The following ASMT variants were observed in gnomAD, a reference collection of about 807,000 sequenced individuals.
The protein encoded by ASMT is acetylserotonin O-methyltransferase, also known as acetylserotonin N-methyltransferase.
A neutral mutation model predicts 41.3 loss-of-function variants in ASMT; 53 were observed. That is an observed-to-expected ratio of 1.28 (90% confidence interval 1.03 to 1.61). The LOEUF (loss-of-function observed/expected upper bound fraction) is 1.61, where lower values mean the gene tolerates loss of function less well. Among genes scored for constraint, ASMT ranks in the 40% most tolerant of loss-of-function variants. ASMT has a pLI of 0.00. For missense variants in ASMT, 531 were observed against 441.3 expected, an observed-to-expected ratio of 1.20 and a Z score of -1.82; for synonymous variants, 231 against 184.8, an observed-to-expected ratio of 1.25 and a Z score of -2.03.
At chrX:1,616,092 G>C (rs1258488039) in intron 1 of ASMT, among the ~76,000 whole-genome samples, 1 of 151,260 alleles carries the variant, frequency 6.6e-6, no homozygotes, top group Non-Finnish European at 1.5e-5. Context: ...GCAGTGGCAC[G>C]GTCTTGGCTC....
At chrX:1,629,738 C>T in intron 4 of ASMT, 83 bp from the exon 5 acceptor site, 1 of 1,289,946 alleles carries the variant, frequency 7.8e-7, no homozygotes. Context: ...TAGCTCCGTT[C>T]TCAACAGGGG....
chrX:1,619,822 T>C (rs1934274429), intron 1 of ASMT, among the ~76,000 whole-genome samples: 1 of 151,900 alleles, frequency 6.6e-6, no homozygotes, highest in Non-Finnish European at 1.5e-5. Flanking sequence ...CCGGGCGTGG[T>C]GGCTCATGCC....
intron 3 of ASMT, 167 bp from the exon 4 acceptor site, chrX:1,627,536 G>C (rs185662534): frequency 0.031 from 5,890 of 187,596 alleles, 202 homozygotes; most frequent in Admixed American, 0.12. Flanking sequence ...CAGGAGAATG[G>C]CGTGAACCCA....
intron 1 of ASMT, among the ~76,000 whole-genome samples, chrX:1,619,588 A>AATAATAATG (rs1177964970): frequency 2.1e-5 from 3 of 143,662 alleles, no homozygotes; most frequent in African/African-American, 8.1e-5. Context: ...TAATAATAAT[A>AATAATAATG]AAAAGTCTTT....
At chrX:1,621,570 G>A (rs1360301606) in intron 1 of ASMT, among the ~76,000 whole-genome samples, 1 of 152,096 alleles carries the variant, frequency 6.6e-6, no homozygotes, top group African/African-American at 2.4e-5. Context: ...CGCCCACCTC[G>A]GCCTCCCAGA....
Position 1,615,259 on chromosome X carries a change from GGT to G in ASMT, c.63_64del (p.Ser22ProfsTer13). 1 of 1,592,626 alleles carries G rather than the reference GGT, an allele frequency of 6.3e-7. No homozygotes were observed. The highest frequency in any genetic ancestry group is 1.1e-5 in the South Asian group (1 of 87,464). On this transcript the variant is annotated frameshift_variant, in exon 1 of 9. Coordinates refer to ENST00000381241, the MANE Select transcript of ASMT (RefSeq NM_001171038.2). LOFTEE classifies it high-confidence loss of function. ...LLNDYANGFM[V>X]SQVLFAACEL... ...TTAATGACTACGCCAACGGCTTCAT[GGT>G]GTCCCAGGTAGGATACGCTCTGTGG...
chrX:1,625,219 C>T (rs1482357256), intron 3 of ASMT, among the ~76,000 whole-genome samples: 1 of 151,330 alleles, frequency 6.6e-6, no homozygotes, highest in Non-Finnish European at 1.5e-5. Flanking sequence ...ATTCTCCTGC[C>T]TCAGCCTCCC....
At position 1,642,952 on chromosome X, in the gene ASMT, T is replaced by C. The variant is rs200214695; in HGVS notation, c.1060T>C (p.Phe354Leu). The change falls in exon 9 of 9, where the codon TTC becomes CTC. Residue 354 changes from phenylalanine (F) to leucine (L), a missense_variant. Coordinates refer to ENST00000381241, the MANE Select transcript of ASMT (RefSeq NM_001171038.2). The stretch of plus-strand genomic sequence containing the variant: ...CCACATGCTCCTCTCTTCTGCTGGC[T>C]TCAGAGACTTCCAGTTTAAGAAAAC... Reference protein sequence around the residue: ...HYHMLLSSAGFRDFQFKKTGA... With the variant: ...HYHMLLSSAGLRDFQFKKTGA... The C allele has an allele frequency of 9.3e-6, 15 of 1,614,002 alleles. No individual in the cohort carries two copies. The African/African-American group carries it at 1.1e-4, about 11-fold the overall frequency.
Position 1,636,566 on chromosome X carries a change from T to C in ASMT, c.910+6T>C, listed in dbSNP as rs1169043369. 9 of 1,608,784 alleles carry C rather than the reference T, an allele frequency of 5.6e-6. No individual in the cohort carries two copies. In the East Asian group the frequency reaches 1.8e-4, roughly 32 times the overall value. On this transcript the variant is annotated splice_donor_region_variant and intron_variant, in intron 8 of 8. Coordinates refer to ENST00000381241, the MANE Select transcript of ASMT (RefSeq NM_001171038.2). The stretch of plus-strand genomic sequence containing the variant: ...CTACCACACTTGCAAGCCAGGTAAG[T>C]TGTGGGGTTTGCATTTCAGCGTGTG...
At chrX:1,627,408 G>A (rs1934591517) in intron 3 of ASMT, among the ~76,000 whole-genome samples, 1 of 151,902 alleles carries the variant, frequency 6.6e-6, no homozygotes, top group Non-Finnish European at 1.5e-5. Flanking sequence ...GATCACCTGA[G>A]GTCACGAGTT....
At position 1,623,180 on chromosome X, in the gene ASMT, C is replaced by A. The variant is rs746504726; in HGVS notation, c.111C>A (p.Leu37=). Residue 37 remains leucine (L), a synonymous_variant, in exon 2 of 9, where the codon CTC becomes CTA. Transcript: ENST00000381241. ...AACELGVFDL[L]AEAPGPLDVA... is the part of the protein sequence containing the mutation. ...GCGAGCTGGGCGTGTTTGACCTTCT[C>A]GCCGAGGCCCCAGGGCCCCTGGACG... 1 of 1,613,172 alleles carries A rather than the reference C, an allele frequency of 6.2e-7. No individual in the cohort carries two copies. Among genetic ancestry groups the A allele is most frequent in the Non-Finnish European group, 8.5e-7 (1 of 1,179,844 alleles).
In ASMT at chrX:1,629,849, C is replaced by T. The variant is rs1265068901; in HGVS notation, c.472C>T (p.Gln158Ter). The T allele has an allele frequency of 3.1e-6, 5 of 1,613,842 alleles. No homozygotes were observed. The highest frequency in any genetic ancestry group is 2.2e-5 in the South Asian group (2 of 91,078). The stretch of plus-strand genomic sequence containing the variant: ...CGAGGGCGAGCGGCTACAGTTCATG[C>T]AAGCTCTGCAGGAGGTCTGGAGCGT... Reference protein sequence around the residue: ...RSEGERLQFMQALQEVWSVNG... With the variant: ...RSEGERLQFM The change falls in exon 5 of 9, where the codon CAA becomes TAA. Residue 158 changes from glutamine (Q) to a stop codon, truncating the protein, a stop_gained. Transcript: ENST00000381241. LOFTEE classifies it high-confidence loss of function.
chrX:1,615,118 T>C lies in ASMT; in HGVS notation c.-82T>C, dbSNP rs1292312027. 17 of 1,318,376 alleles carry C rather than the reference T, an allele frequency of 1.3e-5. No individual in the cohort carries two copies. The highest frequency in any genetic ancestry group is 1.4e-5 in the Non-Finnish European group (13 of 933,718). 81.7% of individuals were successfully genotyped at this position (1,318,376 alleles called of 1,614,324 possible). ...GCAGCAGCTGTGAGCGGGTGGCTCT[T>C]CCCCACCTTGCCAGCAGGCTCTGTG... On this transcript the variant is annotated 5_prime_UTR_variant, in exon 1 of 9. Coordinates refer to ENST00000381241, the MANE Select transcript of ASMT (RefSeq NM_001171038.2).
chrX:1,633,223 A>G lies in ASMT; in HGVS notation c.720A>G (p.Pro240=). The G allele has an allele frequency of 1.2e-6, 2 of 1,613,924 alleles. No homozygotes were observed. Among genetic ancestry groups the G allele is most frequent in the Admixed American group, 1.7e-5 (1 of 59,994 alleles). ...GTAAGATCACCGTTTTTGACATCCC[A>G]GAAGTGGTGTGGACGGCAAAGCAGC... ...PGCKITVFDI[P]EVVWTAKQHF... Residue 240 remains proline, a synonymous_variant, in exon 7 of 9, where the codon CCA becomes CCG. Coordinates refer to ENST00000381241, the MANE Select transcript of ASMT (RefSeq NM_001171038.2).
Position 1,631,059 on chromosome X carries a change from C to T in ASMT, c.562+1120C>T, listed in dbSNP as rs751595173. Among the ~76,000 whole-genome samples the T allele has an allele frequency of 1.4e-4, 21 of 146,910 alleles. No individual in the cohort carries two copies. The East Asian group carries it at 2.0e-3, about 14-fold the overall frequency. The stretch of plus-strand genomic sequence containing the variant: ...CTGAGTAGCTGGGACTACAGGCGCC[C>T]GCCACCACGCCCAGCTAATTTTTTG... On this transcript the variant is annotated intron_variant, in intron 5 of 8. Coordinates refer to ENST00000381241, the MANE Select transcript of ASMT (RefSeq NM_001171038.2).
In ASMT at chrX:1,642,949, G is replaced by A. The variant is rs760284283; in HGVS notation, c.1057G>A (p.Gly353Ser). 3.7e-6 allele frequency: 6 copies of A among 1,613,838 alleles called. No homozygotes were observed. In the African/African-American group the frequency reaches 6.7e-5, roughly 18 times the overall value. ...THYHMLLSSA[G>S]FRDFQFKKTG... ...CTACCACATGCTCCTCTCTTCTGCT[G>A]GCTTCAGAGACTTCCAGTTTAAGAA... The change falls in exon 9 of 9, where the codon GGC (glycine) becomes AGC (serine). Residue 353 changes from glycine to serine, a missense_variant. Gly to Ser is a moderately conservative substitution (Grantham distance 56, BLOSUM62 0). Coordinates refer to ENST00000381241, the MANE Select transcript of ASMT (RefSeq NM_001171038.2).
chrX:1,636,540 T>A lies in ASMT; in HGVS notation c.890T>A (p.Ile297Asn), dbSNP rs1306376540. 6.2e-7 allele frequency: 1 copy of A among 1,613,218 alleles called. No individual in the cohort carries two copies. Among genetic ancestry groups the A allele is most frequent in the South Asian group, 1.1e-5 (1 of 91,032 alleles). Residue 297 changes from isoleucine (I) to asparagine (N), a missense_variant, in exon 8 of 9, where the codon ATC (isoleucine) becomes AAC (asparagine). Ile to Asn is a moderately radical substitution (Grantham distance 149, BLOSUM62 -3). Transcript: ENST00000381241. ...AAGTGCTCACACCTGCTGGAGAGGA[T>A]CTACCACACTTGCAAGCCAGGTAAG... Reference protein sequence around the residue: ...DGKCSHLLERIYHTCKPGGGI... With the variant: ...DGKCSHLLERNYHTCKPGGGI...
chrX:1,633,932 C>T (rs1192091138), intron 7 of ASMT, among the ~76,000 whole-genome samples: 13 of 150,172 alleles, frequency 8.7e-5, no homozygotes, highest in Admixed American at 3.3e-4. Context: ...ACCATCACAC[C>T]CGGCCTCTTT....
At chrX:1,629,524 T>A (rs1286266628) in intron 4 of ASMT, among the ~76,000 whole-genome samples, 1 of 152,184 alleles carries the variant, frequency 6.6e-6, no homozygotes, top group East Asian at 1.9e-4. Context: ...GGGGAACGTA[T>A]TATTGACTTT....
Sources: allele counts gnomAD v4.1 joint callset (sites outside exome capture counted in the v4.1 genomes callset), GRCh38; gene constraint gnomAD v4.1.1; transcripts MANE v1.5; gene names NCBI Gene and HGNC (gene_info 2026-07-23, HGNC 2026-07-21).